The following CDKAL1 variants were observed in gnomAD, a reference collection of about 807,000 sequenced individuals.
CDKAL1 encodes the protein CDKAL1 threonylcarbamoyladenosine tRNA methylthiotransferase, also known as threonylcarbamoyladenosine tRNA methylthiotransferase.
A neutral mutation model predicts 68.2 loss-of-function variants in CDKAL1; 32 were observed. That is an observed-to-expected ratio of 0.47 (90% confidence interval 0.35 to 0.63). CDKAL1 has a LOEUF of 0.63. CDKAL1 is among the 30% of genes least tolerant of loss of function. The pLI, the probability that CDKAL1 is intolerant of heterozygous loss-of-function variation, is 0.00. For missense variants in CDKAL1, 606 were observed against 696.7 expected, an observed-to-expected ratio of 0.87 and a Z score of 1.47; for synonymous variants, 234 against 244.3, an observed-to-expected ratio of 0.96 and a Z score of 0.39.
chr6:20,886,956 T>C (rs1189375805), intron 9 of CDKAL1, among the ~76,000 whole-genome samples: 2 of 152,226 alleles, frequency 1.3e-5, no homozygotes, highest in Non-Finnish European at 2.9e-5. Context: ...ATATCCAGCA[T>C]ATAAATATTT....
intron 7 of CDKAL1, among the ~76,000 whole-genome samples, chr6:20,774,835 T>C (rs1775104018): frequency 6.6e-6 from 1 of 152,212 alleles, no homozygotes; most frequent in Admixed American, 6.5e-5. Flanking sequence ...AAAACCAGCA[T>C]GGAATCAGGT....
intron 4 of CDKAL1, among the ~76,000 whole-genome samples, chr6:20,618,801 C>T (rs994152379): frequency 6.6e-6 from 1 of 152,048 alleles, no homozygotes; most frequent in East Asian, 1.9e-4. Flanking sequence ...GCCTCAGCCT[C>T]CTGAGTAGCT....
chr6:21,150,080 G>A (rs569611420), intron 13 of CDKAL1, among the ~76,000 whole-genome samples: 206 of 151,814 alleles, frequency 1.4e-3, no homozygotes, highest in Non-Finnish European at 2.5e-3. Flanking sequence ...GGTTGGTCTC[G>A]ATCTCCTGAC....
chr6:21,052,669 G>C (rs1770609447), intron 11 of CDKAL1, among the ~76,000 whole-genome samples: 1 of 150,672 alleles, frequency 6.6e-6, no homozygotes, highest in Non-Finnish European at 1.5e-5. Context: ...TACCACACCT[G>C]GTCCTTTGTC....
chr6:21,135,863 C>T (rs1042851970), intron 13 of CDKAL1: 2 of 168,370 alleles, frequency 1.2e-5, no homozygotes, highest in African/African-American at 4.8e-5. Context: ...GTTAGAGAAC[C>T]TGACAGCTTT....
intron 9 of CDKAL1, among the ~76,000 whole-genome samples, chr6:20,881,003 A>G (rs998829084): frequency 3.0e-4 from 46 of 152,298 alleles, no homozygotes; most frequent in African/African-American, 1.0e-3. Flanking sequence ...TGTTACCTGG[A>G]GCTTAATACA....
rs989413712 is a variant in CDKAL1, at chr6:21,196,133, TAAG to T, written c.1300-1879_1300-1877del. ...TGGGCCTTACTCTCCACGTTGATTC[TAAG>T]AAGAAGAAAGAAGCAGCATAGTTTT... On this transcript the variant is annotated intron_variant, in intron 13 of 15. Transcript: ENST00000274695. Among the ~76,000 whole-genome samples the T allele has an allele frequency of 7.9e-5, 12 of 152,228 alleles. No homozygotes were observed. The East Asian group carries it at 1.7e-3, about 22-fold the overall frequency.
chr6:20,982,775 G>A (rs1766225433), intron 10 of CDKAL1, among the ~76,000 whole-genome samples: 1 of 151,930 alleles, frequency 6.6e-6, no homozygotes, highest in African/African-American at 2.4e-5. Flanking sequence ...CCAGAAAGGG[G>A]AATTTAAAAT....
intron 5 of CDKAL1, among the ~76,000 whole-genome samples, chr6:20,682,367 T>C (rs147615631): frequency 1.3e-5 from 2 of 152,338 alleles, no homozygotes; most frequent in East Asian, 3.9e-4. Flanking sequence ...TATAAAGACA[T>C]ACCTGAGACT....
intron 4 of CDKAL1, among the ~76,000 whole-genome samples, chr6:20,646,257 A>G (rs566106440): frequency 3.3e-5 from 5 of 151,672 alleles, no homozygotes; most frequent in African/African-American, 9.7e-5. Context: ...GGGTTTCACT[A>G]TCTTGGTCAG....
chr6:21,067,306 T>C (rs1562003550), intron 12 of CDKAL1, among the ~76,000 whole-genome samples: 1 of 152,230 alleles, frequency 6.6e-6, no homozygotes, highest in Non-Finnish European at 1.5e-5. Context: ...GTTTGAGTGC[T>C]TGGATTTTGG....
At chr6:20,901,703 A>AAG (rs1761986440) in intron 9 of CDKAL1, among the ~76,000 whole-genome samples, 1 of 146,114 alleles carries the variant, frequency 6.8e-6, no homozygotes, top group African/African-American at 2.5e-5. Flanking sequence ...AAAAAAAAAA[A>AAG]GAAAAGAAAC....
At chr6:21,013,747 G>A (rs898374006) in intron 11 of CDKAL1, among the ~76,000 whole-genome samples, 1 of 152,168 alleles carries the variant, frequency 6.6e-6, no homozygotes, top group African/African-American at 2.4e-5. Flanking sequence ...AGTCCTTGCT[G>A]CCCAAAATGT....
intron 8 of CDKAL1, among the ~76,000 whole-genome samples, chr6:20,795,111 T>C (rs1171053314): frequency 1.3e-5 from 2 of 152,120 alleles, no homozygotes; most frequent in Non-Finnish European, 2.9e-5. Flanking sequence ...ATTCACTCAT[T>C]ATTTACCTTT....
At chr6:20,606,966 T>A (rs2127718131) in intron 4 of CDKAL1, among the ~76,000 whole-genome samples, 1 of 152,326 alleles carries the variant, frequency 6.6e-6, no homozygotes, top group Non-Finnish European at 1.5e-5. Flanking sequence ...GTGGTGTTAA[T>A]CTCATTTTAA....
Position 21,190,646 on chromosome 6 carries a change from C to T in CDKAL1, c.1300-7375C>T, listed in dbSNP as rs144715992. ...CCTCCCAAAGTTCTGGGATTACAGG[C>T]GTGAGCCGCTGCGCCCGGGCTGATA... On this transcript the variant is annotated intron_variant, in intron 13 of 15. Transcript: ENST00000274695. 3.9e-5 allele frequency among the ~76,000 whole-genome samples: 6 copies of T among 152,284 alleles called. No individual in the cohort carries two copies. The East Asian group carries it at 7.7e-4, about 20-fold the overall frequency.
chr6:20,830,294 A>G (rs1052750023), intron 8 of CDKAL1, among the ~76,000 whole-genome samples: 3 of 152,190 alleles, frequency 2.0e-5, no homozygotes, highest in Admixed American at 1.3e-4. Context: ...CTTTCTTCAA[A>G]CCAATAAATT....
chr6:20,784,193 T>G (rs1454137634), intron 8 of CDKAL1, among the ~76,000 whole-genome samples: 1 of 149,666 alleles, frequency 6.7e-6, no homozygotes, highest in Non-Finnish European at 1.5e-5. Flanking sequence ...AGCCTGGAGA[T>G]AGAGCTAGAC....
chr6:21,192,496 C>G (rs1336788283), intron 13 of CDKAL1, among the ~76,000 whole-genome samples: 1 of 151,608 alleles, frequency 6.6e-6, no homozygotes, highest in Non-Finnish European at 1.5e-5. Context: ...GTCCATAGAA[C>G]TGAATTCAGT....
Sources: allele counts gnomAD v4.1 joint callset (sites outside exome capture counted in the v4.1 genomes callset), GRCh38; gene constraint gnomAD v4.1.1; transcripts MANE v1.5; gene names NCBI Gene and HGNC (gene_info 2026-07-23, HGNC 2026-07-21).